The following RUBCN variants were observed in gnomAD, a reference collection of about 807,000 sequenced individuals.
The protein encoded by RUBCN is rubicon autophagy regulator.
Under a neutral mutation model 113.2 loss-of-function variants are expected in RUBCN, and 74 were observed. That is an observed-to-expected ratio of 0.65 (90% CI 0.54 to 0.79). RUBCN has a LOEUF of 0.79. Ranked by LOEUF, RUBCN falls within the 30% of genes least tolerant of loss-of-function variation. The pLI is 0.00. For synonymous variants in RUBCN, 480 were observed against 490.0 expected (o/e 0.98, Z 0.27); for missense variants, 1,109 against 1,251.7 (o/e 0.89, Z 1.72).
At chr3:197,746,729 T>C (rs1728760824) in intron 1 of RUBCN, among the ~76,000 whole-genome samples, 1 of 152,182 alleles carries the variant, frequency 6.6e-6, no homozygotes, top group Non-Finnish European at 1.5e-5. Context: ...TTTATCTACA[T>C]TGTGTGAAAC....
At chr3:197,692,657 C>G (rs1560421938) in intron 11 of RUBCN, among the ~76,000 whole-genome samples, 1 of 152,074 alleles carries the variant, frequency 6.6e-6, no homozygotes, top group Non-Finnish European at 1.5e-5. Context: ...ATACAAACAA[C>G]CAAACAAACA....
At chr3:197,749,509 G>C (rs924827777) in exon 1 of RUBCN, 6 of 1,288,840 alleles carry the variant, frequency 4.7e-6, no homozygotes, top group Non-Finnish European at 6.1e-6. Context: ...ATCTACACTC[G>C]CAGGGGTCTG....
At chr3:197,700,501 T>A in intron 7 of RUBCN, 112 bp downstream of exon 7, 2 of 987,862 alleles carry the variant, frequency 2.0e-6, no homozygotes, top group Non-Finnish European at 3.2e-6. Flanking sequence ...AGATGTTGTA[T>A]CACCAGAAAC....
At chr3:197,704,945 C>T (rs1346200655) in intron 3 of RUBCN, 147 bp downstream of exon 3, 1 of 767,406 alleles carries the variant, frequency 1.3e-6, no homozygotes, top group Non-Finnish European at 2.3e-6. Flanking sequence ...TAAAGTCAGT[C>T]CCTACAGGGA....
intron 2 of RUBCN, among the ~76,000 whole-genome samples, chr3:197,706,638 C>A (rs930014281): frequency 6.6e-6 from 1 of 151,888 alleles, no homozygotes; most frequent in Admixed American, 6.6e-5. Flanking sequence ...AAGCCGAGAT[C>A]GTGCTACTAC....
intron 16 of RUBCN, among the ~76,000 whole-genome samples, chr3:197,678,166 G>A (rs2108837487): frequency 6.9e-6 from 1 of 144,338 alleles, no homozygotes; most frequent in Admixed American, 6.8e-5. Flanking sequence ...TCTGACAGCT[G>A]GCTTCAGACT....
chr3:197,735,076 T>C (rs980869006), intron 1 of RUBCN, among the ~76,000 whole-genome samples: 4 of 152,192 alleles, frequency 2.6e-5, no homozygotes, highest in African/African-American at 7.2e-5. Context: ...GAGACCATCA[T>C]TATATCTGAA....
intron 1 of RUBCN, among the ~76,000 whole-genome samples, chr3:197,742,761 A>G (rs1245217524): frequency 6.6e-6 from 1 of 152,236 alleles, no homozygotes; most frequent in Non-Finnish European, 1.5e-5. Flanking sequence ...GGAATGCCTG[A>G]AGACCCGCGA....
intron 2 of RUBCN, among the ~76,000 whole-genome samples, chr3:197,706,807 C>G (rs563141387): frequency 5.2e-4 from 79 of 152,332 alleles, no homozygotes; most frequent in African/African-American, 1.9e-3. Flanking sequence ...GTCAGAGGTG[C>G]TTCTTTGTAA....
upstream of RUBCN, among the ~76,000 whole-genome samples, chr3:197,739,969 G>C (rs1171168176): frequency 2.0e-5 from 3 of 152,206 alleles, no homozygotes; most frequent in East Asian, 3.9e-4. Flanking sequence ...GAACCCGTGA[G>C]GTAGAGGTTG....
chr3:197,686,381 T>A (rs570040709), intron 11 of RUBCN, among the ~76,000 whole-genome samples: 37 of 152,144 alleles, frequency 2.4e-4, no homozygotes, highest in Non-Finnish European at 4.7e-4. Flanking sequence ...TCCTAGGCAA[T>A]CATGAATACG....
At chr3:197,696,721 G>C (rs111503471) in intron 8 of RUBCN, among the ~76,000 whole-genome samples, 4 of 144,318 alleles carry the variant, frequency 2.8e-5, no homozygotes, top group South Asian at 2.3e-4. Flanking sequence ...TACCCGGTGC[G>C]AACACCCAGC....
chr3:197,737,604 G>A (rs1177735563), upstream of RUBCN, among the ~76,000 whole-genome samples: 1 of 152,004 alleles, frequency 6.6e-6, no homozygotes, highest in African/African-American at 2.4e-5. Flanking sequence ...CTGGTGTGGG[G>A]AAACCAGATC....
intron 2 of RUBCN, among the ~76,000 whole-genome samples, chr3:197,714,230 G>A (rs900948357): frequency 6.6e-6 from 1 of 152,188 alleles, no homozygotes; most frequent in African/African-American, 2.4e-5. Flanking sequence ...TGTGAGCAAT[G>A]AGTCTAGATT....
At chr3:197,698,013 T>C (rs1382034872) in intron 7 of RUBCN, among the ~76,000 whole-genome samples, 1 of 152,186 alleles carries the variant, frequency 6.6e-6, no homozygotes, top group Non-Finnish European at 1.5e-5. Context: ...GTCGCCACGA[T>C]GCCTTGGTAA....
chr3:197,681,382 A>G lies in RUBCN; in HGVS notation c.2192-15T>C. 1 of 1,575,578 alleles carries G rather than the reference A, an allele frequency of 6.3e-7. No homozygotes were observed. Among genetic ancestry groups the G allele is most frequent in the Non-Finnish European group, 8.7e-7 (1 of 1,145,128 alleles). ...CTTGATGTAATCTGGAAAAACCGGA[A>G]AGCCAGAAAGCCAGATGTAACTTTC... On this transcript the variant is annotated splice_polypyrimidine_tract_variant and intron_variant, in intron 15 of 19. Transcript: ENST00000296343. The surrounding 1 kb of genome is among the most constrained non-coding windows in gnomAD (Gnocchi z 5.5).
intron 9 of RUBCN, 50 bp from the exon 10 acceptor site, chr3:197,694,635 ACATACT>A (rs2108885466): frequency 6.7e-7 from 1 of 1,482,816 alleles, no homozygotes; most frequent in African/African-American, 1.4e-5. Flanking sequence ...GTATTGAATG[ACATACT>A]CATTATAATG....
intron 6 of RUBCN, among the ~76,000 whole-genome samples, chr3:197,701,360 GC>G (rs924507191): frequency 6.6e-6 from 1 of 152,182 alleles, no homozygotes; most frequent in African/African-American, 2.4e-5. Context: ...TGAAAAATGA[GC>G]AGTAAGAGGA....
intron 2 of RUBCN, among the ~76,000 whole-genome samples, chr3:197,710,584 G>C (rs1177669864): frequency 6.8e-6 from 1 of 147,148 alleles, no homozygotes; most frequent in Non-Finnish European, 1.5e-5. Flanking sequence ...TGGGTAACGA[G>C]TGAAACTCCA....
Sources: gnomAD v4.1 joint callset for allele counts (sites outside exome capture counted in the v4.1 genomes callset) on GRCh38, gnomAD v4.1.1 for gene constraint, Gnocchi (gnomAD v3.1) non-coding constraint, MANE v1.5 for transcripts, NCBI Gene and HGNC (gene_info 2026-07-23, HGNC 2026-07-21) for gene names.